Variants in COG1 observed in about 807,000 individuals in gnomAD.
The protein encoded by COG1 is conserved oligomeric Golgi complex subunit 1.
Under a neutral mutation model 102.2 loss-of-function variants are expected in COG1, and 61 were observed. That is an observed-to-expected ratio of 0.60 (90% CI 0.49 to 0.74). The LOEUF (loss-of-function observed/expected upper bound fraction) is 0.74, where lower values mean the gene tolerates loss of function less well. Ranked by LOEUF, COG1 falls within the 30% of genes least tolerant of loss-of-function variation. The pLI, the probability that COG1 is intolerant of heterozygous loss-of-function variation, is 0.00. For synonymous variants in COG1, 454 were observed against 493.6 expected (o/e 0.92, Z 1.06); for missense variants, 1,164 against 1,232.1 (o/e 0.94, Z 0.83).
chr17:73,204,688 T>A (rs1389150784), intron 9 of COG1, among the ~76,000 whole-genome samples: 1 of 150,152 alleles, frequency 6.7e-6, no homozygotes, highest in Non-Finnish European at 1.5e-5. Context: ...GCCTCCCGAA[T>A]AGTTGGGACC....
rs1026127 is a variant in COG1, at chr17:73,200,425, G to A, written c.1071-141G>A. ...GCCAAAACGCTCTGTGTTGCTACAGGTCTATCAACACTGAGACACATAGAT... is the reference window on the plus strand; with the variant it reads ...GCCAAAACGCTCTGTGTTGCTACAGATCTATCAACACTGAGACACATAGAT... On this transcript the variant is annotated intron_variant, in intron 5 of 13. Transcript: ENST00000299886. The A allele has an allele frequency of 1, 871,159 of 875,368 alleles. 433,596 individuals are homozygous for A. The highest frequency in any genetic ancestry group is 1 in the East Asian group (41,070 of 41,070). 54.2% of individuals were successfully genotyped at this position (875,368 alleles called of 1,614,324 possible). A position where few individuals can be genotyped will look rare whatever the true frequency, so the allele number is the denominator to read the frequency against.
rs886053367 is a variant in COG1 at position 73,193,269 on chromosome 17, G to A, written c.200G>A (p.Gly67Asp). 3 of 1,605,140 alleles carry A rather than the reference G, an allele frequency of 1.9e-6. No homozygotes were observed. Among genetic ancestry groups the A allele is most frequent in the Admixed American group, 3.4e-5 (2 of 58,958 alleles). ...CTGATCGAGGCGGCCGACACCATCG[G>A]CCAGATGCGCCGCTGCGCCGTGGGG... ...RDLIEAADTI[G>D]QMRRCAVGLV... Residue 67 changes from glycine (G) to aspartate (D), a missense_variant, in exon 1 of 14, where the codon GGC becomes GAC. Gly to Asp is a moderately conservative substitution (Grantham distance 94). Coordinates refer to ENST00000299886, the MANE Select transcript of COG1 (RefSeq NM_018714.3).
At position 73,206,802 on chromosome 17, in the gene COG1, C is replaced by T; in HGVS notation, c.2714C>T (p.Ala905Val). 1 of 1,613,570 alleles carries T rather than the reference C, an allele frequency of 6.2e-7. No homozygotes were observed. Among genetic ancestry groups the T allele is most frequent in the Non-Finnish European group, 8.5e-7 (1 of 1,179,658 alleles). Residue 905 changes from alanine to valine, a missense_variant, in exon 12 of 14, where the codon GCA becomes GTA. By Grantham distance (64) the Ala-to-Val change is moderately conservative. Coordinates refer to ENST00000299886, the MANE Select transcript of COG1 (RefSeq NM_018714.3). ...SQEPHNILPL[A>V]SSQIRFGLLP... ...GAACCCCATAACATCCTGCCACTGG[C>T]ATCCAGTCAGATCAGGTAAAGGCTG...
At chr17:73,208,205 A>C (rs1003111466) in intron 13 of COG1, 109 bp from the exon 14 acceptor site, 21 of 1,590,732 alleles carry the variant, frequency 1.3e-5, no homozygotes, top group Non-Finnish European at 1.7e-5. Flanking sequence ...CGTGCTTCTC[A>C]GCTCCGCTTG....
chr17:73,197,519 G>A (rs2061330578), intron 4 of COG1, 123 bp downstream of exon 4: 1 of 1,039,276 alleles, frequency 9.6e-7, no homozygotes, highest in South Asian at 1.3e-5. Flanking sequence ...ACAAATAGAG[G>A]CCCTTCCTTC....
Position 73,207,162 on chromosome 17 carries a change from C to G in COG1, c.2730-19C>G, listed in dbSNP as rs759793131. ...AGCTGCCTGTTTGTGCTACTAAATT[C>G]TTTCCTCTTGTTTTGGAGGTTTGGA... On this transcript the variant is annotated intron_variant, in intron 12 of 13. Coordinates refer to ENST00000299886, the MANE Select transcript of COG1 (RefSeq NM_018714.3). The G allele has an allele frequency of 6.3e-7, 1 of 1,588,220 alleles. No homozygotes were observed. Among genetic ancestry groups the G allele is most frequent in the African/African-American group, 1.4e-5 (1 of 72,690 alleles).
intron 1 of COG1, among the ~76,000 whole-genome samples, chr17:73,194,630 A>C (rs2061318458): frequency 6.6e-6 from 1 of 151,534 alleles, no homozygotes; most frequent in Non-Finnish European, 1.5e-5. Flanking sequence ...TGTCCGACTA[A>C]TTTTTGTACT....
chr17:73,201,861 C>T lies in COG1; in HGVS notation c.2034C>T (p.Ser678=), dbSNP rs764801591. ...TTAAAGAAGTACTCCTCCAGCAGAG[C>T]GTGATGGGCTACCAGGTCTGGAGCA... ...QEVKEVLLQQ[S]VMGYQVWSSA... The change falls in exon 7 of 14, where the codon AGC becomes AGT. Residue 678 remains serine (S), a synonymous_variant. Coordinates refer to ENST00000299886, the MANE Select transcript of COG1 (RefSeq NM_018714.3). 1.4e-5 allele frequency: 23 copies of T among 1,614,094 alleles called. No individual in the cohort carries two copies. The South Asian group carries it at 2.1e-4, about 15-fold the overall frequency.
rs771179981 is a variant in COG1 at position 73,206,198 on chromosome 17, T to C, written c.2555T>C (p.Phe852Ser). The C allele has an allele frequency of 3.9e-5, 63 of 1,614,072 alleles. No homozygotes were observed. Among genetic ancestry groups the C allele is most frequent in the Non-Finnish European group, 5.1e-5 (60 of 1,180,028 alleles). The change falls in exon 11 of 14, where the codon TTT (phenylalanine) becomes TCT (serine). Residue 852 changes from phenylalanine (F) to serine (S), a missense_variant. Transcript: ENST00000299886. ...TDHLEALIDP[F>S]DLDVFTPHLN... ...CACCTGGAAGCCCTCATTGATCCAT[T>C]TGACCTGGACGTTTTCACGCCACAC...
In COG1 at chr17:73,206,755, G is replaced by C; in HGVS notation, c.2667G>C (p.Arg889=). The part of the protein sequence containing the change: ...VTGTENQLAP[R]SSTFNSQEPH... Reference sequence around the variant, plus strand: ...GTACAGAGAATCAGCTCGCCCCCCGGAGCAGTACGTTCAACTCCCAAGAAC... The same window carrying C: ...GTACAGAGAATCAGCTCGCCCCCCGCAGCAGTACGTTCAACTCCCAAGAAC... The change falls in exon 12 of 14, where the codon CGG becomes CGC. Residue 889 remains arginine, a synonymous_variant. Transcript: ENST00000299886. The C allele has an allele frequency of 1.2e-6, 2 of 1,613,266 alleles. No individual in the cohort carries two copies. The highest frequency in any genetic ancestry group is 1.7e-6 in the Non-Finnish European group (2 of 1,179,902).
rs2061343600 is a variant in COG1 at position 73,200,741 on chromosome 17, G to T, written c.1246G>T (p.Asp416Tyr). ...GGAGAAGCCGCTCTTGTTCTGGGAAGATATGATGCAGCAACTGTTCCTTGA... is the reference window on the plus strand; with the variant it reads ...GGAGAAGCCGCTCTTGTTCTGGGAATATATGATGCAGCAACTGTTCCTTGA... ...LLEKPLLFWE[D>Y]MMQQLFLDRL... Residue 416 changes from aspartate to tyrosine, a missense_variant, in exon 6 of 14, where the codon GAT (aspartate) becomes TAT (tyrosine). Transcript: ENST00000299886. 1.9e-6 allele frequency: 3 copies of T among 1,614,154 alleles called. No individual in the cohort carries two copies. Among genetic ancestry groups the T allele is most frequent in the Non-Finnish European group, 2.5e-6 (3 of 1,180,008 alleles).
At chr17:73,197,158 C>T in intron 3 of COG1, 68 bp from the exon 4 acceptor site, 1 of 1,613,120 alleles carries the variant, frequency 6.2e-7, no homozygotes, top group Non-Finnish European at 8.5e-7. Flanking sequence ...ACTGAAGCCT[C>T]CAGAGCGTCC....
chr17:73,196,564 T>G lies in COG1; in HGVS notation c.373T>G (p.Leu125Val). 6.2e-7 allele frequency: 1 copy of G among 1,614,230 alleles called. No individual in the cohort carries two copies. Among genetic ancestry groups the G allele is most frequent in the Non-Finnish European group, 8.5e-7 (1 of 1,180,044 alleles). The change falls in exon 2 of 14, where the codon TTA becomes GTA. Residue 125 changes from leucine (L) to valine (V), a missense_variant. Leu to Val is a conservative substitution (Grantham distance 32, BLOSUM62 1). Transcript: ENST00000299886. ...CATGGCTGCCCAGATCAAGCTACTC[T>G]TAGAAATTCCGGAGAAGATCTGGAG... Reference protein sequence around the residue: ...YSMAAQIKLLLEIPEKIWSSM... With the variant: ...YSMAAQIKLLVEIPEKIWSSM...
At chr17:73,201,016 T>G (rs1442454802) in intron 6 of COG1, 93 bp from the exon 7 acceptor site, 3 of 1,234,552 alleles carry the variant, frequency 2.4e-6, no homozygotes, top group Non-Finnish European at 3.5e-6. Context: ...TGGTGAACCT[T>G]CTGAATGCTA....
chr17:73,206,576 A>G, intron 11 of COG1, 132 bp from the exon 12 acceptor site: 2 of 738,384 alleles, frequency 2.7e-6, no homozygotes, highest in South Asian at 1.5e-5. Flanking sequence ...CGTGAAGCAT[A>G]AATGCACTCA....
intron 4 of COG1, 68 bp downstream of exon 4, chr17:73,197,464 G>A (rs1446406166): frequency 1.3e-6 from 2 of 1,548,480 alleles, no homozygotes; most frequent in African/African-American, 2.7e-5. Flanking sequence ...CGTCTACCGT[G>A]TGCCAGCCAC....
At chr17:73,203,380 T>G (rs2061354859) in intron 8 of COG1, 1 of 704,954 alleles carries the variant, frequency 1.4e-6, no homozygotes, top group Non-Finnish European at 2.4e-6. Flanking sequence ...AGGGAACCAC[T>G]TACTTGCCGT....
At chr17:73,205,809 C>T (rs984666162) in intron 10 of COG1, 129 bp downstream of exon 10, 77 of 1,250,840 alleles carry the variant, frequency 6.2e-5, no homozygotes, top group Non-Finnish European at 8.2e-5. Flanking sequence ...ACAGTAAGTG[C>T]TCATATTGCC....
intron 9 of COG1, among the ~76,000 whole-genome samples, 184 bp downstream of exon 9, chr17:73,203,977 A>G (rs1332914303): frequency 3.3e-5 from 5 of 152,080 alleles, no homozygotes; most frequent in African/African-American, 1.2e-4. Context: ...GTTTACTTAC[A>G]CTCATTCTAA....
Sources: allele counts gnomAD v4.1 joint callset (sites outside exome capture counted in the v4.1 genomes callset), GRCh38; gene constraint gnomAD v4.1.1; transcripts MANE v1.5; gene names NCBI Gene and HGNC (gene_info 2026-07-23, HGNC 2026-07-21).